Variants in FAH observed in about 807,000 individuals in gnomAD.
FAH encodes fumarylacetoacetate hydrolase.
FAH carries 47 observed loss-of-function variants against 55.8 expected under a neutral mutation model. The observed-to-expected ratio is 0.84, with a 90% CI of 0.67 to 1.07. The LOEUF is 1.07. Among genes scored for constraint, FAH ranks in the 50% least tolerant of loss-of-function variants. The probability of loss-of-function intolerance (pLI) is 0.00; values close to 1 mark genes in which losing one functional copy is unlikely to be tolerated. For missense variants in FAH, 495 were observed against 545.9 expected (o/e 0.91, Z 0.93); for synonymous variants, 199 against 207.7 (o/e 0.96, Z 0.36).
rs202195651 is a variant in FAH at position 80,158,068 on chromosome 15, G to C, written c.90G>C (p.Pro30=). The change falls in exon 2 of 14, where the codon CCG becomes CCC. Residue 30 remains proline, a synonymous_variant. Coordinates refer to ENST00000561421, the MANE Select transcript of FAH (RefSeq NM_000137.4). The part of the protein sequence containing the change: ...GVFSTRGDPR[P]RIGVAIGDQI... ...TGTCGTCTTCCTCCTAGCCAAGACC[G>C]AGGATAGGTGTGGCCATTGGCGACC... 26 of 1,613,182 alleles carry C rather than the reference G, an allele frequency of 1.6e-5. No individual in the cohort carries two copies. In the South Asian group the frequency reaches 2.0e-4, roughly 12 times the overall value.
chr15:80,162,346 G>A lies in FAH; in HGVS notation c.455+10G>A. On this transcript the variant is annotated intron_variant, in intron 5 of 13. Coordinates refer to ENST00000561421, the MANE Select transcript of FAH (RefSeq NM_000137.4). ...CGTTGATGCCAAATTGGTATGAACT[G>A]GGCCAAATGTCTGCATAAGTTCAAA... 6.2e-7 allele frequency: 1 copy of A among 1,604,434 alleles called. No individual in the cohort carries two copies.
intron 8 of FAH, 38 bp downstream of exon 8, chr15:80,172,286 G>A: frequency 6.7e-7 from 1 of 1,503,462 alleles, no homozygotes; most frequent in Non-Finnish European, 9.3e-7. Flanking sequence ...AGATGACGGG[G>A]AGGAGGCTGG....
chr15:80,175,947 A>C (rs2041280329), intron 10 of FAH, among the ~76,000 whole-genome samples: 1 of 152,184 alleles, frequency 6.6e-6, no homozygotes, highest in Non-Finnish European at 1.5e-5. Flanking sequence ...GTGGCCACAC[A>C]CAGACCTCCT....
At chr15:80,171,784 A>C (rs1369917913) in intron 7 of FAH, among the ~76,000 whole-genome samples, 1 of 152,220 alleles carries the variant, frequency 6.6e-6, no homozygotes, top group Non-Finnish European at 1.5e-5. Flanking sequence ...ACATGAATAC[A>C]AACCCTGATA....
At chr15:80,179,670 C>T (rs80141283) in intron 11 of FAH, among the ~76,000 whole-genome samples, 3,375 of 152,200 alleles carry the variant, frequency 0.022, 134 homozygotes, top group African/African-American at 0.076. Context: ...TCCCAAGGCC[C>T]GGCATGGGAG....
chr15:80,162,214 C>G lies in FAH; in HGVS notation c.365-32C>G, dbSNP rs1237515889. ...CATTCTTCCTGAGGCATGTGGGTTG[C>G]TGATGGGATCTGTTGGGTCTTTCCT... On this transcript the variant is annotated intron_variant, in intron 4 of 13. Transcript: ENST00000561421. 2.6e-6 allele frequency: 4 copies of G among 1,559,070 alleles called. No individual in the cohort carries two copies. The South Asian group carries it at 3.3e-5, about 13-fold the overall frequency.
chr15:80,168,253 T>A lies in FAH; in HGVS notation c.554-11T>A, dbSNP rs759361978. On this transcript the variant is annotated splice_polypyrimidine_tract_variant and intron_variant, in intron 6 of 13. Coordinates refer to ENST00000561421, the MANE Select transcript of FAH (RefSeq NM_000137.4). ...AGCACCGTTTTTTTTTTTTTTCTGG[T>A]GTTATTCCAGCTAAGCCTCCCGTAT... is the stretch of plus-strand genomic sequence containing the variant. The A allele has an allele frequency of 6.4e-7, 1 of 1,554,174 alleles. No homozygotes were observed. The highest frequency in any genetic ancestry group is 1.1e-5 in the South Asian group (1 of 89,834).
In FAH at chr15:80,181,004, A is replaced by C. The variant is rs765771910; in HGVS notation, c.1063-38A>C. ...TGGTCCATGCCAGAGCCAAGGCATA[A>C]ATTCATGTTATTCTTTCTTCCCTTT... On this transcript the variant is annotated intron_variant, in intron 12 of 13. Transcript: ENST00000561421. 7 of 1,546,154 alleles carry C rather than the reference A, an allele frequency of 4.5e-6. No individual in the cohort carries two copies. In the Admixed American group the frequency reaches 5.0e-5, roughly 11 times the overall value.
Position 80,176,602 on chromosome 15 carries a change from C to T in FAH, c.914-935C>T, listed in dbSNP as rs142414838. ...GAGAGGAAAAGGATTCACCCCGAGC[C>T]ACCTACCTGGCTAATGGCAGGGCTG... On this transcript the variant is annotated intron_variant, in intron 10 of 13. Transcript: ENST00000561421. 2.2e-3 allele frequency among the ~76,000 whole-genome samples: 341 copies of T among 152,298 alleles called. 2 individuals carry two copies. The highest frequency in any genetic ancestry group is 7.2e-3 in the South Asian group (35 of 4,832).
intron 10 of FAH, among the ~76,000 whole-genome samples, chr15:80,176,646 T>A (rs964192967): frequency 6.6e-6 from 1 of 152,202 alleles, no homozygotes; most frequent in Admixed American, 6.5e-5. Flanking sequence ...TCCAAGTGTG[T>A]CACAAGTTCT....
At chr15:80,162,428 A>G (rs2041157369) in intron 5 of FAH, 92 bp downstream of exon 5, 2 of 1,115,688 alleles carry the variant, frequency 1.8e-6, no homozygotes, top group South Asian at 1.2e-5. Flanking sequence ...AGTTCTTCTT[A>G]AAGTAAACTG....
intron 10 of FAH, chr15:80,177,328 C>T (rs1034384082): frequency 1.0e-5 from 6 of 601,850 alleles, no homozygotes; most frequent in Admixed American, 2.6e-5. Context: ...CTGCTGTAGG[C>T]GTGGGAGGAG....
intron 11 of FAH, among the ~76,000 whole-genome samples, chr15:80,178,254 T>C (rs2041300241): frequency 6.6e-6 from 1 of 152,132 alleles, no homozygotes; most frequent in African/African-American, 2.4e-5. Context: ...TGAAGAATTT[T>C]CCTAAAATGA....
At chr15:80,161,845 A>G (rs17218165) in intron 4 of FAH, among the ~76,000 whole-genome samples, 67,204 of 151,994 alleles carry the variant, frequency 0.44, 15,546 homozygotes, top group Middle Eastern at 0.59. Flanking sequence ...CGGGCCTCAA[A>G]GAGTTGCCAG....
At chr15:80,174,468 G>C (rs2041266096) in intron 9 of FAH, among the ~76,000 whole-genome samples, 1 of 152,182 alleles carries the variant, frequency 6.6e-6, no homozygotes. Context: ...ATAACCATTA[G>C]TATCACCAAA....
Position 80,181,919 on chromosome 15 carries a change from C to T in FAH, c.1180+760C>T, listed in dbSNP as rs114945933. Among the ~76,000 whole-genome samples, 704 of 152,218 alleles carry T rather than the reference C, an allele frequency of 4.6e-3. 4 individuals carry two copies. Among genetic ancestry groups the T allele is most frequent in the African/African-American group, 0.016 (685 of 41,526 alleles). On this transcript the variant is annotated intron_variant, in intron 13 of 13. Coordinates refer to ENST00000561421, the MANE Select transcript of FAH (RefSeq NM_000137.4). ...CGCTAATTGTGTATGTGTCAGTTTC[C>T]GTGCTTAACTAAAAGCTTGTGTTAG...
intron 1 of FAH, chr15:80,156,183 A>G (rs1358422170): frequency 4.4e-6 from 1 of 228,670 alleles, no homozygotes; most frequent in East Asian, 1.1e-4. Context: ...GGAGCGCTCA[A>G]GCGGCCCTTA....
At chr15:80,158,710 G>C (rs2041121299) in intron 2 of FAH, among the ~76,000 whole-genome samples, 1 of 152,154 alleles carries the variant, frequency 6.6e-6, no homozygotes, top group Non-Finnish European at 1.5e-5. Flanking sequence ...GGTACCTCTT[G>C]TGTGCCAGGA....
At chr15:80,159,577 G>T (rs2041129827) in intron 2 of FAH, among the ~76,000 whole-genome samples, 179 bp from the exon 3 acceptor site, 1 of 152,206 alleles carries the variant, frequency 6.6e-6, no homozygotes, top group African/African-American at 2.4e-5. Flanking sequence ...GTCAAGAGAG[G>T]ATATGCTTTT....
Sources: allele counts gnomAD v4.1 joint callset (sites outside exome capture counted in the v4.1 genomes callset), GRCh38; gene constraint gnomAD v4.1.1; transcripts MANE v1.5; gene names NCBI Gene and HGNC (gene_info 2026-07-23, HGNC 2026-07-21).